LUZP1: variants seen among roughly 807,000 people sequenced by gnomAD.
LUZP1 encodes the protein filamin mechanobinding actin cross-linking protein.
A neutral mutation model predicts 71.3 loss-of-function variants in LUZP1; 25 were observed. The ratio of observed to expected loss-of-function variants is 0.35; its 90% CI spans 0.26 to 0.49. The LOEUF is 0.49. Among genes scored for constraint, LUZP1 ranks in the 20% least tolerant of loss-of-function variants. The pLI is 0.99. For synonymous variants in LUZP1, 481 were observed against 506.4 expected (o/e 0.95, Z 0.67); for missense variants, 1,142 against 1,300.8 (o/e 0.88, Z 1.88).
Position 23,093,620 on chromosome 1 carries a change from G to A in LUZP1, c.642C>T (p.Leu214=). The change falls in exon 4 of 5, where the codon CTC becomes CTT. Residue 214 remains leucine (L), a synonymous_variant. Coordinates refer to ENST00000302291, the Ensembl canonical transcript of LUZP1. This position sits in a 1 kb window ranked among gnomAD's most constrained non-coding sequence, Gnocchi z 4.2. Reference sequence around the variant, plus strand: ...TTTTGTTCTGCTCTAGTTTTTGAGTGAGTTCTTTTATCAATTTCTCATTTT... The same window carrying A: ...TTTTGTTCTGCTCTAGTTTTTGAGTAAGTTCTTTTATCAATTTCTCATTTT... 1 of 1,611,818 alleles carries A rather than the reference G, an allele frequency of 6.2e-7. No homozygotes were observed. The highest frequency in any genetic ancestry group is 8.5e-7 in the Non-Finnish European group (1 of 1,179,540).
At chr1:23,172,884 A>G (rs1375334833) in intron 1 of LUZP1, among the ~76,000 whole-genome samples, 2 of 151,584 alleles carry the variant, frequency 1.3e-5, no homozygotes, top group African/African-American at 4.8e-5. Context: ...CTCAGGCTAG[A>G]GTGCAGTGGT....
exon 5 of LUZP1, chr1:23,088,681 G>A (rs1643804560): frequency 1.9e-6 from 1 of 534,166 alleles, no homozygotes; most frequent in African/African-American, 1.9e-5. Flanking sequence ...CGTGCATTGG[G>A]GAAGGTTGGG....
At chr1:23,165,774 G>A (rs1029693179) in intron 2 of LUZP1, among the ~76,000 whole-genome samples, 1 of 152,136 alleles carries the variant, frequency 6.6e-6, no homozygotes, top group Non-Finnish European at 1.5e-5. Context: ...ACCTGTAACA[G>A]CATGCTTTAC....
At chr1:23,111,797 C>G (rs1644035603) in intron 2 of LUZP1, among the ~76,000 whole-genome samples, 2 of 151,644 alleles carry the variant, frequency 1.3e-5, no homozygotes, top group South Asian at 4.2e-4. Context: ...AACACCCACA[C>G]ACAAACACCG....
chr1:23,146,720 C>G (rs944504019), intron 2 of LUZP1, among the ~76,000 whole-genome samples: 2 of 152,138 alleles, frequency 1.3e-5, no homozygotes, highest in Non-Finnish European at 2.9e-5. Context: ...CACCTGAGCC[C>G]GGGAAGATCA....
rs552752730 is a variant in LUZP1, at chr1:23,117,062, T to C, written c.-225-7935A>G. Among the ~76,000 whole-genome samples, 11 of 152,344 alleles carry C rather than the reference T, an allele frequency of 7.2e-5. No individual in the cohort carries two copies. In the East Asian group the frequency reaches 2.1e-3, roughly 29 times the overall value. ...GCTATTTTAATTTGAAGGCATATTT[T>C]ACAGGGTCACTATTATTTCTACCCC... is the stretch of plus-strand genomic sequence containing the variant. On this transcript the variant is annotated intron_variant, in intron 2 of 4. Transcript: ENST00000302291.
intron 2 of LUZP1, among the ~76,000 whole-genome samples, chr1:23,112,386 A>G (rs1178388001): frequency 3.3e-5 from 5 of 152,174 alleles, no homozygotes; most frequent in African/African-American, 1.2e-4. Context: ...CTGTCTGCCT[A>G]GAAGCAGAGA....
intron 3 of LUZP1, among the ~76,000 whole-genome samples, chr1:23,096,627 G>T (rs992720515): frequency 6.6e-6 from 1 of 152,170 alleles, no homozygotes; most frequent in South Asian, 2.1e-4. Context: ...AAAGACCATT[G>T]TCTCAGTCCA....
At chr1:23,174,858 A>G in intron 1 of LUZP1, among the ~76,000 whole-genome samples, 1 of 152,052 alleles carries the variant, frequency 6.6e-6, no homozygotes, top group East Asian at 1.9e-4. Flanking sequence ...ATCATCCCCA[A>G]AATGGCATGA....
At chr1:23,101,961 T>C (rs573759165) in intron 3 of LUZP1, among the ~76,000 whole-genome samples, 1 of 152,156 alleles carries the variant, frequency 6.6e-6, no homozygotes, top group Non-Finnish European at 1.5e-5. Flanking sequence ...CATAAAACTA[T>C]GATAAAGAAG....
chr1:23,175,679 T>C (rs576360445), intron 1 of LUZP1, among the ~76,000 whole-genome samples: 4 of 152,310 alleles, frequency 2.6e-5, no homozygotes, highest in African/African-American at 9.6e-5. Flanking sequence ...GCTGAGTGCC[T>C]AACATGTGCC....
rs750965450 is a variant in LUZP1, at chr1:23,092,269, T to C, written c.1993A>G (p.Ile665Val). ...AACTTGGCAGTAACAAGAGATGCTA[T>C]GTCCAAGTCATCATCTGAGTCTGGC... Residue 665 changes from isoleucine (I) to valine (V), a missense_variant, in exon 4 of 5, where the codon ATA (isoleucine) becomes GTA (valine). Transcript: ENST00000302291. The C allele has an allele frequency of 3.7e-6, 6 of 1,614,220 alleles. No homozygotes were observed. The East Asian group carries it at 1.1e-4, about 30-fold the overall frequency.
chr1:23,170,462 C>CT (rs200073505), intron 1 of LUZP1, among the ~76,000 whole-genome samples: 1,917 of 127,332 alleles, frequency 0.015, 30 homozygotes, highest in East Asian at 0.039. Context: ...CTTTTTCTTT[C>CT]TTTTTTTTTT....
At chr1:23,092,033 G>A (rs1487065488) in exon 4 of LUZP1, 2 of 1,614,014 alleles carry the variant, frequency 1.2e-6, no homozygotes, top group Non-Finnish European at 8.5e-7. Flanking sequence ...TGGGGCTAAA[G>A]GGCCTTTGGC....
chr1:23,165,730 T>C (rs1220086499), intron 2 of LUZP1, among the ~76,000 whole-genome samples: 1 of 152,196 alleles, frequency 6.6e-6, no homozygotes, highest in Non-Finnish European at 1.5e-5. Context: ...TCAAAGTTTA[T>C]ACCACATCTT....
intron 2 of LUZP1, among the ~76,000 whole-genome samples, chr1:23,136,231 G>C (rs1644251591): frequency 6.6e-6 from 1 of 151,254 alleles, no homozygotes; most frequent in Admixed American, 6.6e-5. Flanking sequence ...ACAGGGCCAG[G>C]CGCAGTGGCT....
At chr1:23,125,536 C>T (rs147198768) in intron 2 of LUZP1, among the ~76,000 whole-genome samples, 6 of 152,246 alleles carry the variant, frequency 3.9e-5, no homozygotes, top group East Asian at 1.9e-4. Flanking sequence ...TCAATAAACA[C>T]GGAAAAAAGT....
At chr1:23,127,093 G>A (rs1029339655) in intron 2 of LUZP1, among the ~76,000 whole-genome samples, 20 of 152,198 alleles carry the variant, frequency 1.3e-4, no homozygotes, top group African/African-American at 4.8e-4. Context: ...TCAAGACTCA[G>A]TAACTCTCAC....
At position 23,167,633 on chromosome 1, in the gene LUZP1, G is replaced by C. The variant is rs1242365752; in HGVS notation, c.-226+1133C>G. Among the ~76,000 whole-genome samples the C allele has an allele frequency of 3.3e-5, 5 of 152,228 alleles. 1 individual carries two copies. The South Asian group carries it at 8.3e-4, about 25-fold the overall frequency. On this transcript the variant is annotated intron_variant, in intron 2 of 4. Transcript: ENST00000302291. ...CAACAAGCTCTGCAGTGTTAGGAAA[G>C]GGGTTGACGCGATGAAGAAACAGAT...
Sources: allele counts gnomAD v4.1 joint callset (sites outside exome capture counted in the v4.1 genomes callset), GRCh38; gene constraint gnomAD v4.1.1; non-coding constraint Gnocchi (gnomAD v3.1); transcripts MANE v1.5; gene names NCBI Gene and HGNC (gene_info 2026-07-23, HGNC 2026-07-21).